Variants in CDC14A observed in about 807,000 individuals in gnomAD.
CDC14A encodes cell division cycle 14A.
In CDC14A, 53 loss-of-function variants were observed where a neutral mutation model predicts 74.4. The observed-to-expected ratio is 0.71, with a 90% CI of 0.57 to 0.89. The LOEUF (loss-of-function observed/expected upper bound fraction) is 0.89, where lower values mean the gene tolerates loss of function less well. Ranked by LOEUF, CDC14A falls within the 40% of genes least tolerant of loss-of-function variation. The pLI is 0.00. For missense variants in CDC14A, 646 were observed against 713.7 expected (o/e 0.91, Z 1.08); for synonymous variants, 247 against 258.4 (o/e 0.96, Z 0.43).
At chr1:100,515,988 C>G (rs1650184635) in intron 15 of CDC14A, among the ~76,000 whole-genome samples, 1 of 152,164 alleles carries the variant, frequency 6.6e-6, no homozygotes, top group Admixed American at 6.5e-5. Flanking sequence ...TTTGCAGAGG[C>G]CTGCAGGGCC....
chr1:100,517,132 C>G (rs1357161642), intron 15 of CDC14A, among the ~76,000 whole-genome samples: 1 of 152,208 alleles, frequency 6.6e-6, no homozygotes, highest in Admixed American at 6.5e-5. Flanking sequence ...TTAACAGGGA[C>G]TTACTCAGGA....
chr1:100,408,062 T>C (rs563546936), intron 4 of CDC14A, among the ~76,000 whole-genome samples: 1 of 152,296 alleles, frequency 6.6e-6, no homozygotes, highest in East Asian at 1.9e-4. Flanking sequence ...TTCCTCTCCC[T>C]CTGCCAGCCT....
At chr1:100,469,425 G>T (rs556246087) in intron 10 of CDC14A, among the ~76,000 whole-genome samples, 3 of 152,158 alleles carry the variant, frequency 2.0e-5, no homozygotes, top group Non-Finnish European at 4.4e-5. Context: ...CTTTTTACCC[G>T]TGAGGTACAA....
At chr1:100,460,199 ATTG>A (rs1428503698) in intron 8 of CDC14A, among the ~76,000 whole-genome samples, 1 of 152,172 alleles carries the variant, frequency 6.6e-6, no homozygotes, top group Non-Finnish European at 1.5e-5. Flanking sequence ...AGGTGCAATT[ATTG>A]TTGTTATTAT....
chr1:100,473,627 A>T (rs1405498218), intron 10 of CDC14A, among the ~76,000 whole-genome samples: 1 of 152,120 alleles, frequency 6.6e-6, no homozygotes, highest in Non-Finnish European at 1.5e-5. Context: ...ACCTCAGGTT[A>T]TCCTCCCACC....
intron 10 of CDC14A, among the ~76,000 whole-genome samples, 185 bp downstream of exon 10, chr1:100,468,279 A>C (rs1668042793): frequency 6.6e-6 from 1 of 152,200 alleles, no homozygotes; most frequent in Non-Finnish European, 1.5e-5. Context: ...TACCTTTTAT[A>C]TCTCTTAGAT....
intron 4 of CDC14A, among the ~76,000 whole-genome samples, chr1:100,420,678 T>TA (rs1557741590): frequency 6.6e-6 from 1 of 152,138 alleles, no homozygotes; most frequent in Non-Finnish European, 1.5e-5. Context: ...AAGTCAAAAG[T>TA]AAATGTGTGT....
chr1:100,351,844 C>T (rs770491830), upstream of CDC14A: 2 of 1,500,256 alleles, frequency 1.3e-6, no homozygotes, highest in East Asian at 4.9e-5. Flanking sequence ...GTACTGTGAG[C>T]TAGGAGCTGG....
intron 2 of CDC14A, among the ~76,000 whole-genome samples, chr1:100,377,294 C>T (rs1655409143): frequency 1.3e-5 from 2 of 152,172 alleles, no homozygotes; most frequent in Non-Finnish European, 2.9e-5. Context: ...CCTGCCCCAG[C>T]CTCCCAAAGT....
In CDC14A at chr1:100,371,914, T is replaced by C. The variant is rs115838798; in HGVS notation, c.141-5632T>C. On this transcript the variant is annotated intron_variant, in intron 2 of 15. Transcript: ENST00000336454. ...CTCTTATTTAGAAAAAAGGTTACCT[T>C]AATCAATACTGGTAGATGCATATTT... Among the ~76,000 whole-genome samples the C allele has an allele frequency of 5.2e-3, 786 of 152,302 alleles. 8 individuals are homozygous for C. The highest frequency in any genetic ancestry group is 0.018 in the African/African-American group (754 of 41,556).
rs1289923892 is a variant in CDC14A at position 100,504,820 on chromosome 1, T to A, written c.1755+5558T>A. ...TTGTTTTCTTCTCCCACAGTGTTCA[T>A]GCCTACTGCTAGTCTTTAGGAAGCC... On this transcript the variant is annotated intron_variant, in intron 15 of 15. Transcript: ENST00000336454. 2.0e-6 allele frequency: 3 copies of A among 1,535,272 alleles called. No individual in the cohort carries two copies. The African/African-American group carries it at 4.1e-5, about 21-fold the overall frequency.
chr1:100,495,924 A>G lies in CDC14A; in HGVS notation c.1251-78A>G. ...AATTTAATATTTTTACTGGTTTGAT[A>G]CCATTTGATGTGCCTTGTGGTCTTT... On this transcript the variant is annotated intron_variant, in intron 12 of 15. Coordinates refer to ENST00000336454, the MANE Select transcript of CDC14A (RefSeq NM_003672.4). The G allele has an allele frequency of 3.4e-6, 4 of 1,160,612 alleles. No individual in the cohort carries two copies. The South Asian group carries it at 3.7e-5, about 11-fold the overall frequency. The allele number at this position is 1,160,612 out of a possible 1,614,324, so 71.9% of individuals were successfully genotyped here. A position where few individuals can be genotyped will look rare whatever the true frequency, so the allele number is the denominator to read the frequency against.
At position 100,498,113 on chromosome 1, in the gene CDC14A, G is replaced by T; in HGVS notation, c.1327G>T (p.Val443Phe). 6.2e-7 allele frequency: 1 copy of T among 1,614,082 alleles called. No individual in the cohort carries two copies. Among genetic ancestry groups the T allele is most frequent in the East Asian group, 2.2e-5 (1 of 44,890 alleles). ...AAGTTCATCCCTGCAAGGATCTGCA[G>T]TTACTTTGAAGACATCAAAAATGGC... The part of the protein sequence containing the change: ...RLSSSLQGSA[V>F]TLKTSKMALS... Residue 443 changes from valine to phenylalanine, a missense_variant, in exon 14 of 16, where the codon GTT (valine) becomes TTT (phenylalanine). By Grantham distance (50) the Val-to-Phe change is conservative. Coordinates refer to ENST00000336454, the MANE Select transcript of CDC14A (RefSeq NM_003672.4).
At chr1:100,494,630 G>A (rs1400727940) in intron 11 of CDC14A, among the ~76,000 whole-genome samples, 188 bp from the exon 12 acceptor site, 1 of 152,092 alleles carries the variant, frequency 6.6e-6, no homozygotes, top group Non-Finnish European at 1.5e-5. Flanking sequence ...TTGACTTGTT[G>A]CCTGTTGAAC....
chr1:100,398,618 G>A (rs1488202447), intron 4 of CDC14A, among the ~76,000 whole-genome samples: 1 of 152,080 alleles, frequency 6.6e-6, no homozygotes, highest in Non-Finnish European at 1.5e-5. Flanking sequence ...AGGTTCTAGG[G>A]AATAAAATAT....
intron 7 of CDC14A, among the ~76,000 whole-genome samples, chr1:100,452,516 A>T (rs6700552): frequency 0.27 from 41,644 of 151,886 alleles, 7,655 homozygotes; most frequent in African/African-American, 0.52. Context: ...ATCTCCAGAT[A>T]AAAAAAAGGA....
intron 15 of CDC14A, among the ~76,000 whole-genome samples, chr1:100,515,612 T>TA (rs1461034027): frequency 6.6e-6 from 1 of 152,128 alleles, no homozygotes; most frequent in Non-Finnish European, 1.5e-5. Context: ...CTTGAACTCC[T>TA]AACCTCAGAT....
At chr1:100,393,991 C>A in intron 4 of CDC14A, 1 of 261,078 alleles carries the variant, frequency 3.8e-6, no homozygotes. Context: ...GTGCATCCAC[C>A]TCAACCTCTC....
chr1:100,413,497 G>A (rs989477704), intron 4 of CDC14A, among the ~76,000 whole-genome samples: 6 of 152,178 alleles, frequency 3.9e-5, no homozygotes, highest in Non-Finnish European at 8.8e-5. Flanking sequence ...ACAATTCTAT[G>A]TACAGTTCCT....
Sources: gnomAD v4.1 joint callset for allele counts (sites outside exome capture counted in the v4.1 genomes callset) on GRCh38, gnomAD v4.1.1 for gene constraint, MANE v1.5 for transcripts, NCBI Gene and HGNC (gene_info 2026-07-23, HGNC 2026-07-21) for gene names.